DBF4B: variants seen among roughly 807,000 people sequenced by gnomAD.
DBF4B encodes the protein DBF4B-CDC7 kinase regulatory subunit.
DBF4B carries 49 observed loss-of-function variants against 53.4 expected under a neutral mutation model. That is an observed-to-expected ratio of 0.92 (90% CI 0.73 to 1.16). The LOEUF is 1.16. Ranked by LOEUF, DBF4B falls within the 50% of genes most tolerant of loss-of-function variation. The pLI, the probability that DBF4B is intolerant of heterozygous loss-of-function variation, is 0.00. For missense variants in DBF4B, 692 were observed against 775.0 expected, an observed-to-expected ratio of 0.89 and a Z score of 1.27; for synonymous variants, 257 against 288.7, an observed-to-expected ratio of 0.89 and a Z score of 1.11.
chr17:44,739,577 A>G (rs1194176333), intron 9 of DBF4B, among the ~76,000 whole-genome samples: 1 of 152,238 alleles, frequency 6.6e-6, no homozygotes, highest in East Asian at 1.9e-4. Flanking sequence ...TTGCGTGTTC[A>G]TCCCCAGCCC....
At chr17:44,711,734 G>A (rs1972889338) in intron 2 of DBF4B, among the ~76,000 whole-genome samples, 1 of 151,998 alleles carries the variant, frequency 6.6e-6, no homozygotes, top group African/African-American at 2.4e-5. Flanking sequence ...GGATCACGAG[G>A]TCAGGAGATT....
chr17:44,750,304 C>A, intron 13 of DBF4B: 1 of 1,178,212 alleles, frequency 8.5e-7, no homozygotes, highest in Non-Finnish European at 1.0e-6. Context: ...TCTCTGCGTC[C>A]GTGCATTTAA....
chr17:44,744,081 A>ACCCCTC (rs1976349160), intron 10 of DBF4B, among the ~76,000 whole-genome samples: 1 of 8,694 alleles, frequency 1.2e-4, no homozygotes, highest in African/African-American at 5.3e-4. Flanking sequence ...TAATGAGACC[A>ACCCCTC]CCCCCCCCCC....
intron 2 of DBF4B, 36 bp downstream of exon 2, chr17:44,709,402 A>G: frequency 6.2e-7 from 1 of 1,612,564 alleles, no homozygotes; most frequent in African/African-American, 1.3e-5. Context: ...CGTGAGGTGA[A>G]AATTGCCCCA....
At chr17:44,738,518 G>C (rs1162632937) in intron 9 of DBF4B, 94 bp downstream of exon 9, 15 of 1,319,552 alleles carry the variant, frequency 1.1e-5, no homozygotes, top group Middle Eastern at 2.3e-4. Context: ...CTAATGTGAA[G>C]ACATGGAGCC....
intron 7 of DBF4B, 76 bp from the exon 8 acceptor site, chr17:44,736,754 A>C (rs909504058): frequency 1.0e-5 from 16 of 1,540,500 alleles, no homozygotes; most frequent in Non-Finnish European, 1.3e-5. Context: ...ACTGGCAGCC[A>C]CTTGGCTTAT....
chr17:44,726,179 G>A (rs1459084969), intron 3 of DBF4B, among the ~76,000 whole-genome samples: 1 of 150,888 alleles, frequency 6.6e-6, no homozygotes, highest in Non-Finnish European at 1.5e-5. Flanking sequence ...AGTGGAGACG[G>A]GGTTTCTCCA....
In DBF4B at chr17:44,715,138, C is replaced by G. The variant is rs73303541; in HGVS notation, c.82+5772C>G. Among the ~76,000 whole-genome samples, 463 of 151,982 alleles carry G rather than the reference C, an allele frequency of 3.0e-3. 5 individuals carry two copies. The highest frequency in any genetic ancestry group is 0.01 in the African/African-American group (433 of 41,476). On this transcript the variant is annotated intron_variant, in intron 2 of 13. Transcript: ENST00000315005. ...CCCTTCTATTTTCTCTTTTCTCTTT[C>G]TGGAACTTTTATTGTTTGGATATTA... is the stretch of plus-strand genomic sequence containing the variant.
intron 2 of DBF4B, chr17:44,719,837 A>G: frequency 4.3e-6 from 1 of 232,046 alleles, no homozygotes; most frequent in South Asian, 8.8e-5. Flanking sequence ...AGCTGAGGAA[A>G]GCTTTGATTT....
intron 6 of DBF4B, 21 bp downstream of exon 6, chr17:44,732,286 T>C (rs776086578): frequency 1.2e-6 from 2 of 1,612,566 alleles, no homozygotes; most frequent in African/African-American, 2.7e-5. Flanking sequence ...TGTGCTGGGC[T>C]CCTGTGGAGG....
intron 10 of DBF4B, among the ~76,000 whole-genome samples, chr17:44,744,387 G>A (rs1016917300): frequency 1.3e-5 from 2 of 151,582 alleles, no homozygotes; most frequent in African/African-American, 4.9e-5. Context: ...ACAACAGCCT[G>A]GGTGACAGAG....
At chr17:44,719,542 G>A (rs142381341) in intron 2 of DBF4B, among the ~76,000 whole-genome samples, 219 of 152,292 alleles carry the variant, frequency 1.4e-3, no homozygotes, top group African/African-American at 4.9e-3. Flanking sequence ...GTCATAAAAT[G>A]TGTAGTCTTT....
chr17:44,726,292 T>TTTTTTTTTATTTA (rs1555676222), intron 3 of DBF4B, among the ~76,000 whole-genome samples: 1 of 132,054 alleles, frequency 7.6e-6, no homozygotes, highest in African/African-American at 2.9e-5. Context: ...CCCGGCCCTT[T>TTTTTTTTTATTTA]TTTATTTATT....
In DBF4B at chr17:44,732,184, A is replaced by T. The variant is rs1251402532; in HGVS notation, c.475A>T (p.Ile159Phe). ...LQKAIRNQGS[I>F]SGGGSGGSSS... The stretch of plus-strand genomic sequence containing the variant: ...CTCTGTGTTGTAATTTCAGGGGAGC[A>T]TCAGTGGAGGAGGCAGTGGGGGCAG... Residue 159 changes from isoleucine (I) to phenylalanine (F), a missense_variant, in exon 6 of 14, where the codon ATC becomes TTC. Around this residue, in one of 3 missense-constraint regions of DBF4B, gnomAD observed 597 missense variants for 665.8 expected, o/e 0.90. Transcript: ENST00000315005. The T allele has an allele frequency of 6.2e-7, 1 of 1,613,928 alleles. No individual in the cohort carries two copies.
intron 2 of DBF4B, among the ~76,000 whole-genome samples, chr17:44,721,724 C>T (rs1973866004): frequency 6.6e-6 from 1 of 151,372 alleles, no homozygotes; most frequent in Non-Finnish European, 1.5e-5. Context: ...CACAAATATC[C>T]CTTTGGGACA....
At position 44,722,867 on chromosome 17, in the gene DBF4B, T is replaced by G. The variant is rs199662446; in HGVS notation, c.83-13T>G. ...TCAAACTTCTTACTTTGCTCCTCTT[T>G]ATTGTTTTCTAGGAGTTTCCAGGTG... On this transcript the variant is annotated splice_polypyrimidine_tract_variant and intron_variant, in intron 2 of 13. Coordinates refer to ENST00000315005, the MANE Select transcript of DBF4B (RefSeq NM_145663.3). 1.2e-6 allele frequency: 2 copies of G among 1,612,816 alleles called. No homozygotes were observed. The highest frequency in any genetic ancestry group is 2.7e-5 in the African/African-American group (2 of 74,854).
At chr17:44,713,316 C>T (rs942782360) in intron 2 of DBF4B, among the ~76,000 whole-genome samples, 3 of 149,066 alleles carry the variant, frequency 2.0e-5, no homozygotes, top group African/African-American at 7.3e-5. Flanking sequence ...GCTGGGATTA[C>T]AGGTGTGAGC....
In DBF4B at chr17:44,741,433, G is replaced by A. The variant is rs763307864; in HGVS notation, c.811G>A (p.Gly271Ser). The A allele has an allele frequency of 1.2e-6, 2 of 1,611,438 alleles. No individual in the cohort carries two copies. Among genetic ancestry groups the A allele is most frequent in the Non-Finnish European group, 1.7e-6 (2 of 1,178,518 alleles). ...TCCCTTTGAGGCCCCGACGACCCTG[G>A]GCAGCATGCACCATACCAGGTGGGT... is the stretch of plus-strand genomic sequence containing the variant. The part of the protein sequence containing the change: ...ASPFEAPTTL[G>S]SMHHTRESKD... Residue 271 changes from glycine (G) to serine (S), a missense_variant, in exon 10 of 14, where the codon GGC (glycine) becomes AGC (serine). Physicochemically the swap from Gly to Ser is moderately conservative, Grantham distance 56. Around this residue, in one of 3 missense-constraint regions of DBF4B, gnomAD observed 597 missense variants for 665.8 expected, o/e 0.90. Coordinates refer to ENST00000315005, the MANE Select transcript of DBF4B (RefSeq NM_145663.3).
At chr17:44,746,757 T>C (rs893418938) in intron 10 of DBF4B, among the ~76,000 whole-genome samples, 1 of 151,054 alleles carries the variant, frequency 6.6e-6, no homozygotes, top group Non-Finnish European at 1.5e-5. Context: ...AGGTGAAGAT[T>C]GCAGTGAGCC....
Sources: gnomAD v4.1 joint callset for allele counts (sites outside exome capture counted in the v4.1 genomes callset) on GRCh38, gnomAD v4.1.1 for gene constraint, gnomAD v4.1.1 regional missense constraint, MANE v1.5 for transcripts, NCBI Gene and HGNC (gene_info 2026-07-23, HGNC 2026-07-21) for gene names.